FAM124A: variants seen among roughly 807,000 people sequenced by gnomAD.
The protein encoded by FAM124A is family with sequence similarity 124 member A.
FAM124A carries 23 observed loss-of-function variants against 24.5 expected under a neutral mutation model. That is an observed-to-expected ratio of 0.94 (90% CI 0.68 to 1.33). FAM124A has a LOEUF of 1.33. Among genes scored for constraint, FAM124A ranks in the 40% most tolerant of loss-of-function variants. The pLI is 0.00. For missense variants in FAM124A, 623 were observed against 722.8 expected (o/e 0.86, Z 1.58); for synonymous variants, 287 against 314.7 (o/e 0.91, Z 0.93).
intron 3 of FAM124A, among the ~76,000 whole-genome samples, chr13:51,262,266 G>C (rs1886097): frequency 0.67 from 101,697 of 152,102 alleles, 36,222 homozygotes; most frequent in East Asian, 0.91. Context: ...TTTCCCCCAT[G>C]TTAGTAGTTA....
intron 3 of FAM124A, among the ~76,000 whole-genome samples, chr13:51,268,775 A>G (rs1954813456): frequency 6.6e-6 from 1 of 152,198 alleles, no homozygotes; most frequent in East Asian, 1.9e-4. Flanking sequence ...TTCTCTCTTC[A>G]GTTGCCTGGC....
At chr13:51,241,380 T>C (rs1001901128) in intron 2 of FAM124A, among the ~76,000 whole-genome samples, 2 of 152,232 alleles carry the variant, frequency 1.3e-5, no homozygotes, top group Non-Finnish European at 2.9e-5. Flanking sequence ...CTCAGTTAGA[T>C]TTTAAGCTGC....
chr13:51,246,599 G>C (rs772655797), intron 2 of FAM124A, among the ~76,000 whole-genome samples: 1 of 152,180 alleles, frequency 6.6e-6, no homozygotes, highest in Non-Finnish European at 1.5e-5. Context: ...GCAGTGCAGA[G>C]GGGGCTCTGG....
At chr13:51,270,408 T>G (rs1467122594) in intron 3 of FAM124A, among the ~76,000 whole-genome samples, 1 of 152,230 alleles carries the variant, frequency 6.6e-6, no homozygotes, top group African/African-American at 2.4e-5. Context: ...TACTATGCAC[T>G]TCAAAGATGG....
intron 3 of FAM124A, among the ~76,000 whole-genome samples, chr13:51,254,724 A>G (rs1593600886): frequency 6.6e-6 from 1 of 152,186 alleles, no homozygotes; most frequent in Non-Finnish European, 1.5e-5. Flanking sequence ...GATGATACTA[A>G]ACTATGGCTT....
At chr13:51,226,560 G>A (rs976353624) in intron 1 of FAM124A, among the ~76,000 whole-genome samples, 2 of 152,096 alleles carry the variant, frequency 1.3e-5, no homozygotes, top group African/African-American at 2.4e-5. Context: ...ACGAGTTCCC[G>A]TTGTTATTTA....
intron 3 of FAM124A, among the ~76,000 whole-genome samples, chr13:51,260,215 G>A (rs868054689): frequency 6.6e-6 from 1 of 152,196 alleles, no homozygotes; most frequent in African/African-American, 2.4e-5. Flanking sequence ...TGAGGCCTGT[G>A]GGCCAGCTTC....
chr13:51,241,762 C>T (rs1219733413), intron 2 of FAM124A, among the ~76,000 whole-genome samples: 1 of 151,932 alleles, frequency 6.6e-6, no homozygotes, highest in Non-Finnish European at 1.5e-5. Context: ...AAATGAGTCC[C>T]CAGGCTCCAT....
Position 51,272,703 on chromosome 13 carries a change from C to G in FAM124A, c.835-7747C>G, listed in dbSNP as rs1204701151. On this transcript the variant is annotated intron_variant, in intron 3 of 3. Coordinates refer to ENST00000322475, the MANE Select transcript of FAM124A (RefSeq NM_001242312.2). This position sits in a 1 kb window ranked among gnomAD's most constrained non-coding sequence, Gnocchi z 4.2. ...TAGACCACAGGACACCAAGCACAGT[C>G]AAGGTAGGAGTGCTAGACCGCAGGA... 6.6e-6 allele frequency among the ~76,000 whole-genome samples: 1 copy of G among 152,102 alleles called. No homozygotes were observed. The highest frequency in any genetic ancestry group is 1.5e-5 in the Non-Finnish European group (1 of 68,016).
At position 51,247,288 on chromosome 13, in the gene FAM124A, G is replaced by A. The variant is rs373604250; in HGVS notation, c.101-4180G>A. Among the ~76,000 whole-genome samples, 70 of 152,356 alleles carry A rather than the reference G, an allele frequency of 4.6e-4. 1 individual carries two copies. In the East Asian group the frequency reaches 4.6e-3, roughly 10 times the overall value. ...AGAGGCGAGCACACTTCTCTGCAGA[G>A]CCTGGGCTGATGGTGCACACGGAAC... On this transcript the variant is annotated intron_variant, in intron 2 of 3. Coordinates refer to ENST00000322475, the MANE Select transcript of FAM124A (RefSeq NM_001242312.2).
chr13:51,250,200 AT>A (rs144861358), intron 2 of FAM124A, among the ~76,000 whole-genome samples: 3,662 of 152,316 alleles, frequency 0.024, 64 homozygotes, highest in Non-Finnish European at 0.038. Flanking sequence ...AAAAATTTTC[AT>A]CCTGTGACTT....
intron 3 of FAM124A, among the ~76,000 whole-genome samples, chr13:51,279,881 G>A (rs1194730360): frequency 6.6e-6 from 1 of 152,166 alleles, no homozygotes; most frequent in African/African-American, 2.4e-5. Flanking sequence ...AGGATTTACT[G>A]TCTGGAACCA....
chr13:51,251,052 C>T lies in FAM124A; in HGVS notation c.101-416C>T, dbSNP rs2137676703. Among the ~76,000 whole-genome samples the T allele has an allele frequency of 6.6e-6, 1 of 152,074 alleles. No individual in the cohort carries two copies. Among genetic ancestry groups the T allele is most frequent in the East Asian group, 1.9e-4 (1 of 5,166 alleles). On this transcript the variant is annotated intron_variant, in intron 2 of 3. Coordinates refer to ENST00000322475, the MANE Select transcript of FAM124A (RefSeq NM_001242312.2). The surrounding 1 kb of genome is among the most constrained non-coding windows in gnomAD (Gnocchi z 5.3). ...GGAACATGTATGGGGCAAGGCCCTG[C>T]AGCTATTTCAGGAAATACTAAATGG... is the stretch of plus-strand genomic sequence containing the variant.
rs1433534038 is a variant in FAM124A at position 51,251,569 on chromosome 13, G to A, written c.202G>A (p.Val68Ile). ...GCCCCTGCAGGAGGCCATCGACAACGTCCTGGCGTGGATCCACCCCGACCT... is the reference window on the plus strand; with the variant it reads ...GCCCCTGCAGGAGGCCATCGACAACATCCTGGCGTGGATCCACCCCGACCT... Reference protein sequence around the residue: ...SQPLQEAIDNVLAWIHPDLPL... With the variant: ...SQPLQEAIDNILAWIHPDLPL... The change falls in exon 3 of 4, where the codon GTC becomes ATC. Residue 68 changes from valine (V) to isoleucine (I), a missense_variant. Val to Ile is a conservative substitution (Grantham distance 29). Transcript: ENST00000322475. This position sits in a 1 kb window ranked among gnomAD's most constrained non-coding sequence, Gnocchi z 5.3. 1.3e-6 allele frequency: 2 copies of A among 1,547,444 alleles called. No individual in the cohort carries two copies. Among genetic ancestry groups the A allele is most frequent in the Non-Finnish European group, 1.7e-6 (2 of 1,144,980 alleles).
chr13:51,269,936 G>A, intron 3 of FAM124A, among the ~76,000 whole-genome samples: 1 of 152,160 alleles, frequency 6.6e-6, no homozygotes, highest in East Asian at 1.9e-4. Context: ...CAGCCAGGAC[G>A]ACTTTACGTA....
chr13:51,252,353 T>G, intron 3 of FAM124A, 152 bp downstream of exon 3: 15 of 1,042,234 alleles, frequency 1.4e-5, no homozygotes, highest in Non-Finnish European at 2.0e-5. Context: ...AAAGTGGCCA[T>G]ACAGGATCCC....
rs1353965413 is a variant in FAM124A at position 51,251,624 on chromosome 13, C to T, written c.257C>T (p.Ala86Val). 11 of 1,562,016 alleles carry T rather than the reference C, an allele frequency of 7.0e-6. No individual in the cohort carries two copies. The Admixed American group carries it at 1.8e-4, about 25-fold the overall frequency. Residue 86 changes from alanine (A) to valine (V), a missense_variant, in exon 3 of 4, where the codon GCG (alanine) becomes GTG (valine). Physicochemically the swap from Ala to Val is moderately conservative, Grantham distance 64. Coordinates refer to ENST00000322475, the MANE Select transcript of FAM124A (RefSeq NM_001242312.2). The surrounding 1 kb of genome is among the most constrained non-coding windows in gnomAD (Gnocchi z 5.3). Reference sequence around the variant, plus strand: ...CTGTTCCGGGTGTCCGAGAGGCGGGCGTCCCGGCGGCGGCGGAAGCCCCCC... The same window carrying T: ...CTGTTCCGGGTGTCCGAGAGGCGGGTGTCCCGGCGGCGGCGGAAGCCCCCC... ...LPLFRVSERR[A>V]SRRRRKPPKG...
At chr13:51,252,876 T>C (rs1428325420) in intron 3 of FAM124A, 1 of 152,452 alleles carries the variant, frequency 6.6e-6, no homozygotes, top group African/African-American at 2.4e-5. Flanking sequence ...GCCCTAGTCC[T>C]TCCATGGTAA....
At chr13:51,229,862 G>T (rs532231107) in intron 1 of FAM124A, among the ~76,000 whole-genome samples, 117 of 152,036 alleles carry the variant, frequency 7.7e-4, no homozygotes, top group Non-Finnish European at 1.3e-3. Context: ...ACAAATCCTG[G>T]GCTTCAGAAT....
Sources: gnomAD v4.1 joint callset for allele counts (sites outside exome capture counted in the v4.1 genomes callset) on GRCh38, gnomAD v4.1.1 for gene constraint, Gnocchi (gnomAD v3.1) non-coding constraint, MANE v1.5 for transcripts, NCBI Gene and HGNC (gene_info 2026-07-23, HGNC 2026-07-21) for gene names.